The following SHISA6 variants were observed in gnomAD, a reference collection of about 807,000 sequenced individuals.
SHISA6 encodes the protein protein shisa-6.
Under a neutral mutation model 47.9 loss-of-function variants are expected in SHISA6, and 22 were observed. That is an observed-to-expected ratio of 0.46 (90% CI 0.33 to 0.66). The LOEUF is 0.66. SHISA6 is among the 30% of genes least tolerant of loss of function. The pLI is 0.02. For missense variants in SHISA6, 680 were observed against 764.6 expected (o/e 0.89, Z 1.30); for synonymous variants, 388 against 337.8 (o/e 1.15, Z -1.63).
chr17:11,371,775 C>T (rs957930892), intron 2 of SHISA6, among the ~76,000 whole-genome samples: 1 of 151,666 alleles, frequency 6.6e-6, no homozygotes, highest in African/African-American at 2.4e-5. Flanking sequence ...CTTTATAATC[C>T]CAGATAAACT....
At chr17:11,258,527 A>T (rs1240488286) in intron 1 of SHISA6, among the ~76,000 whole-genome samples, 2 of 152,198 alleles carry the variant, frequency 1.3e-5, no homozygotes, top group Non-Finnish European at 2.9e-5. Context: ...AAATAATCCA[A>T]GTTTTCATTT....
chr17:11,244,466 C>T (rs368455785), intron 1 of SHISA6, among the ~76,000 whole-genome samples: 4 of 152,074 alleles, frequency 2.6e-5, no homozygotes, highest in East Asian at 1.9e-4. Context: ...TTCTTGCTTC[C>T]GGGGCACGTC....
In SHISA6 at chr17:11,241,978, G is replaced by C; in HGVS notation, c.556G>C (p.Ala186Pro). The change falls in exon 1 of 6, where the codon GCC becomes CCC. Residue 186 changes from alanine (A) to proline (P), a missense_variant. Around this residue, in one of 2 missense-constraint regions of SHISA6, gnomAD observed 559 missense variants for 674.1 expected, o/e 0.83. Coordinates refer to ENST00000441885, the MANE Select transcript of SHISA6 (RefSeq NM_207386.4). The surrounding 1 kb of genome is among the most constrained non-coding windows in gnomAD (Gnocchi z 5.5). ...FTVYITCGVI[A>P]FVIVAGVFAK... ...CGTCTACATCACCTGCGGGGTGATC[G>C]CCTTCGTCATCGTGGCCGGCGTCTT... 1 of 1,550,948 alleles carries C rather than the reference G, an allele frequency of 6.4e-7. No individual in the cohort carries two copies. The highest frequency in any genetic ancestry group is 2.0e-5 in the Admixed American group (1 of 51,008).
Position 11,277,241 on chromosome 17 carries a change from T to TTC in SHISA6, c.799+13754_799+13755dup, listed in dbSNP as rs139388009. 7.5e-3 allele frequency among the ~76,000 whole-genome samples: 584 copies of TTC among 78,140 alleles called. 8 individuals carry two copies. The highest frequency in any genetic ancestry group is 0.015 in the African/African-American group (255 of 17,130). 51.3% of individuals were successfully genotyped at this position (78,140 alleles called of 152,430 possible). On this transcript the variant is annotated intron_variant, in intron 2 of 5. Coordinates refer to ENST00000441885, the MANE Select transcript of SHISA6 (RefSeq NM_207386.4). The stretch of plus-strand genomic sequence containing the variant: ...CTCCCTCCCCATCCCCGGTTTCTCT[T>TTC]TCTCTCTCTCTCTCTCTCTCTCTCT...
intron 3 of SHISA6, among the ~76,000 whole-genome samples, chr17:11,504,476 C>A (rs1006063584): frequency 7.2e-5 from 11 of 152,152 alleles, no homozygotes; most frequent in African/African-American, 2.7e-4. Context: ...AGACTTGTCT[C>A]AAGGTTTTGA....
At chr17:11,469,118 C>G (rs530043004) in intron 3 of SHISA6, among the ~76,000 whole-genome samples, 32 of 151,298 alleles carry the variant, frequency 2.1e-4, no homozygotes, top group Non-Finnish European at 3.8e-4. Flanking sequence ...AATGAACCCT[C>G]TGTGGTAGCA....
chr17:11,542,914 G>A (rs2071845949), intron 3 of SHISA6, among the ~76,000 whole-genome samples: 1 of 152,094 alleles, frequency 6.6e-6, no homozygotes, highest in African/African-American at 2.4e-5. Context: ...GGGCCACTGT[G>A]TAAAGAATAG....
chr17:11,519,598 T>G (rs565240085), intron 3 of SHISA6, among the ~76,000 whole-genome samples: 1 of 152,302 alleles, frequency 6.6e-6, no homozygotes, highest in African/African-American at 2.4e-5. Flanking sequence ...ACGAACGTAC[T>G]TAACGCCACT....
intron 3 of SHISA6, among the ~76,000 whole-genome samples, chr17:11,512,793 C>T (rs2071551992): frequency 6.6e-6 from 1 of 151,920 alleles, no homozygotes; most frequent in African/African-American, 2.4e-5. Flanking sequence ...TTCCTTTTTT[C>T]ACTTAACTTG....
chr17:11,291,610 G>T (rs1196722254), intron 2 of SHISA6, among the ~76,000 whole-genome samples: 1 of 152,014 alleles, frequency 6.6e-6, no homozygotes, highest in African/African-American at 2.4e-5. Flanking sequence ...CTCCGGCCTG[G>T]GCGACAGAGC....
At position 11,467,010 on chromosome 17, in the gene SHISA6, C is replaced by T. The variant is rs536570669; in HGVS notation, c.896-84886C>T. Among the ~76,000 whole-genome samples the T allele has an allele frequency of 7.9e-5, 12 of 152,320 alleles. No individual in the cohort carries two copies. In the South Asian group the frequency reaches 2.5e-3, roughly 32 times the overall value. On this transcript the variant is annotated intron_variant, in intron 3 of 5. Transcript: ENST00000441885. ...TGCTGTGGCTCTTTGTCACCCCTCT[C>T]AGTAGCTACAAGGAAACATCAGAAG...
intron 2 of SHISA6, among the ~76,000 whole-genome samples, chr17:11,341,947 G>C (rs1191992090): frequency 2.0e-5 from 3 of 152,200 alleles, no homozygotes; most frequent in East Asian, 3.9e-4. Flanking sequence ...GGTGTCTGGG[G>C]CCAGCCCAGA....
chr17:11,496,701 T>C (rs771547836), intron 3 of SHISA6, among the ~76,000 whole-genome samples: 1 of 148,018 alleles, frequency 6.8e-6, no homozygotes, highest in Non-Finnish European at 1.5e-5. Flanking sequence ...ATCGCGCCAC[T>C]GCAATCTAGC....
chr17:11,302,881 G>A (rs560676114), intron 2 of SHISA6, among the ~76,000 whole-genome samples: 32 of 152,248 alleles, frequency 2.1e-4, no homozygotes, highest in Non-Finnish European at 3.1e-4. Flanking sequence ...GGAGGGGGGC[G>A]TTTGAAATGA....
rs562957113 is a variant in SHISA6 at position 11,363,893 on chromosome 17, A to G, written c.800-15521A>G. On this transcript the variant is annotated intron_variant, in intron 2 of 5. Transcript: ENST00000441885. ...TTAATTTGCATGTAATTAAAAGTGG[A>G]TATAAATCTGACTGCAGAACTGCCC... is the stretch of plus-strand genomic sequence containing the variant. Among the ~76,000 whole-genome samples, 3 of 152,322 alleles carry G rather than the reference A, an allele frequency of 2.0e-5. No homozygotes were observed. In the South Asian group the frequency reaches 6.2e-4, roughly 32 times the overall value.
At chr17:11,445,866 C>T (rs370728655) in intron 3 of SHISA6, among the ~76,000 whole-genome samples, 2 of 152,188 alleles carry the variant, frequency 1.3e-5, no homozygotes, top group East Asian at 1.9e-4. Flanking sequence ...CTCCTTCTGT[C>T]GCCCAGGCTG....
intron 2 of SHISA6, among the ~76,000 whole-genome samples, chr17:11,323,611 G>A (rs1053452187): frequency 2.6e-5 from 4 of 151,838 alleles, no homozygotes; most frequent in Non-Finnish European, 5.9e-5. Flanking sequence ...CCGAGATCGC[G>A]CCATTGCACT....
chr17:11,262,682 G>T (rs1365569793), intron 1 of SHISA6, among the ~76,000 whole-genome samples: 1 of 152,206 alleles, frequency 6.6e-6, no homozygotes, highest in African/African-American at 2.4e-5. Flanking sequence ...TGGACCTCTT[G>T]CAGGGGGGCG....
rs1913894874 is a variant in SHISA6 at position 11,404,814 on chromosome 17, G to T, written c.895+25305G>T. On this transcript the variant is annotated intron_variant, in intron 3 of 5. Transcript: ENST00000441885. Reference sequence around the variant, plus strand: ...AACAGAAGGATGACCTCGCCTTTGGGCTCATATATTATCTTCATCTGTTGA... The same window carrying T: ...AACAGAAGGATGACCTCGCCTTTGGTCTCATATATTATCTTCATCTGTTGA... Among the ~76,000 whole-genome samples the T allele has an allele frequency of 2.0e-5, 3 of 152,170 alleles. No homozygotes were observed. The South Asian group carries it at 6.2e-4, about 32-fold the overall frequency.
Sources: gnomAD v4.1 joint callset for allele counts (sites outside exome capture counted in the v4.1 genomes callset) on GRCh38, gnomAD v4.1.1 for gene constraint, gnomAD v4.1.1 regional missense constraint, Gnocchi (gnomAD v3.1) non-coding constraint, MANE v1.5 for transcripts, NCBI Gene and HGNC (gene_info 2026-07-23, HGNC 2026-07-21) for gene names.